Variants in SLC22A8 observed in about 807,000 individuals in gnomAD.
SLC22A8 encodes organic anion transporter 3.
In SLC22A8, 40 loss-of-function variants were observed where a neutral mutation model predicts 48.4. The ratio of observed to expected loss-of-function variants is 0.83; its 90% CI spans 0.64 to 1.08. The LOEUF (loss-of-function observed/expected upper bound fraction) is 1.08. SLC22A8 is among the 50% of genes least tolerant of loss of function. SLC22A8 has a pLI of 0.00. For missense variants in SLC22A8, 606 were observed against 699.0 expected, an observed-to-expected ratio of 0.87 and a Z score of 1.50; for synonymous variants, 268 against 286.3, an observed-to-expected ratio of 0.94 and a Z score of 0.65.
chr11:62,995,051 G>A, intron 7 of SLC22A8: 1 of 466,486 alleles, frequency 2.1e-6, no homozygotes, highest in South Asian at 2.2e-5. Context: ...GGAGACCAAA[G>A]GAGGCAGTAA....
rs150455888 is a variant in SLC22A8 at position 63,002,350 on chromosome 11, C to T, written c.334-1527G>A. Among the ~76,000 whole-genome samples the T allele has an allele frequency of 8.0e-3, 1,225 of 152,260 alleles. 9 individuals are homozygous for T. Among genetic ancestry groups the T allele is most frequent in the South Asian group, 0.028 (134 of 4,818 alleles). ...TAAATCAAGCTAATTAACATCACTT[C>T]ATTTACTTGACATTTTTTGTGGTGA... On this transcript the variant is annotated intron_variant, in intron 2 of 10. Coordinates refer to ENST00000336232, the MANE Select transcript of SLC22A8 (RefSeq NM_004254.4).
At chr11:62,998,530 G>T (rs935850818) in intron 5 of SLC22A8, among the ~76,000 whole-genome samples, 1 of 152,122 alleles carries the variant, frequency 6.6e-6, no homozygotes, top group Non-Finnish European at 1.5e-5. Context: ...TCCCCACTCA[G>T]TTGGGTCTGT....
At chr11:63,000,489 GAAAAAAAA>G (rs59363642) in intron 3 of SLC22A8, among the ~76,000 whole-genome samples, 1 of 88,366 alleles carries the variant, frequency 1.1e-5, no homozygotes, top group East Asian at 3.4e-4. Flanking sequence ...CGTCTTAAGA[GAAAAAAAA>G]AAAAAAAAAA....
At chr11:63,004,807 T>A (rs922448535) in intron 2 of SLC22A8, among the ~76,000 whole-genome samples, 3 of 152,244 alleles carry the variant, frequency 2.0e-5, no homozygotes, top group Admixed American at 2.0e-4. Flanking sequence ...ACTTGTGGAA[T>A]TGAATGTGTG....
chr11:63,004,214 A>C (rs2086530024), intron 2 of SLC22A8, among the ~76,000 whole-genome samples: 1 of 152,208 alleles, frequency 6.6e-6, no homozygotes, highest in South Asian at 2.1e-4. Flanking sequence ...AACTGTCATG[A>C]GCTGGTTTCT....
In SLC22A8 at chr11:62,993,419, C is replaced by G; in HGVS notation, c.1529+5G>C. ...GCACTGATGGGGCCAGAGGCAGTGACTGACCAGTTTTCCAGGTCTTCGATA... is the reference window on the plus strand; with the variant it reads ...GCACTGATGGGGCCAGAGGCAGTGAGTGACCAGTTTTCCAGGTCTTCGATA... On this transcript the variant is annotated splice_donor_5th_base_variant and intron_variant, in intron 10 of 10. Coordinates refer to ENST00000336232, the MANE Select transcript of SLC22A8 (RefSeq NM_004254.4). 6.2e-7 allele frequency: 1 copy of G among 1,614,118 alleles called. No individual in the cohort carries two copies. The highest frequency in any genetic ancestry group is 1.3e-5 in the African/African-American group (1 of 75,042).
At chr11:63,004,445 G>A (rs547462257) in intron 2 of SLC22A8, among the ~76,000 whole-genome samples, 1 of 152,202 alleles carries the variant, frequency 6.6e-6, no homozygotes, top group South Asian at 2.1e-4. Context: ...AACATTTCAA[G>A]CATGCTCCTA....
rs2086561145 is a variant in SLC22A8 at position 63,006,729 on chromosome 11, T to A, written c.334-5906A>T. Among the ~76,000 whole-genome samples the A allele has an allele frequency of 1.4e-5, 2 of 147,256 alleles. 1 individual carries two copies. The highest frequency in any genetic ancestry group is 4.4e-4 in the South Asian group (2 of 4,498). Reference sequence around the variant, plus strand: ...TTCAAGTGATTCTCCTGCATCAGCCTCCTGAGTAGCTGGGATTATAGGCAT... The same window carrying A: ...TTCAAGTGATTCTCCTGCATCAGCCACCTGAGTAGCTGGGATTATAGGCAT... On this transcript the variant is annotated intron_variant, in intron 2 of 10. Coordinates refer to ENST00000336232, the MANE Select transcript of SLC22A8 (RefSeq NM_004254.4).
At chr11:63,000,663 T>A (rs909862347) in intron 3 of SLC22A8, 57 bp downstream of exon 3, 19 of 1,256,558 alleles carry the variant, frequency 1.5e-5, no homozygotes, top group Non-Finnish European at 2.2e-5. Flanking sequence ...TGGAGCAGAG[T>A]AGGGAAGGGT....
rs757171565 is a variant in SLC22A8, at chr11:62,993,223, G to T, written c.*14C>A. On this transcript the variant is annotated 3_prime_UTR_variant, in exon 11 of 11. Transcript: ENST00000336232. ...TCAGTCTCTGGAGGGCAGGGAAAGG[G>T]GGTTCCGTTGTCCTCAGCTGGAGCC... 2 of 1,602,484 alleles carry T rather than the reference G, an allele frequency of 1.2e-6. No individual in the cohort carries two copies. Among genetic ancestry groups the T allele is most frequent in the East Asian group, 2.2e-5 (1 of 44,810 alleles).
Position 62,996,030 on chromosome 11 carries a change from T to G in SLC22A8, c.884A>C (p.Glu295Ala). 1 of 1,614,054 alleles carries G rather than the reference T, an allele frequency of 6.2e-7. No individual in the cohort carries two copies. The highest frequency in any genetic ancestry group is 8.5e-7 in the Non-Finnish European group (1 of 1,179,994). ...KKEEGERLSL[E>A]ELKLNLQKEI... ...CAGACTATAGTCCTCAGCCCCTACC[T>G]CCAAGCTGAGCCTTTCTCCCTCTTC... The change falls in exon 6 of 11, where the codon GAG (glutamate) becomes GCG (alanine). Residue 295 changes from glutamate to alanine, a missense_variant and splice_region_variant. Glu to Ala is a moderately radical substitution (Grantham distance 107). Coordinates refer to ENST00000336232, the MANE Select transcript of SLC22A8 (RefSeq NM_004254.4).
intron 5 of SLC22A8, among the ~76,000 whole-genome samples, chr11:62,998,644 C>T (rs1490531083): frequency 6.6e-6 from 1 of 152,210 alleles, no homozygotes; most frequent in Admixed American, 6.5e-5. Context: ...CCAGGCCCCC[C>T]AGCTTTCTGT....
intron 2 of SLC22A8, among the ~76,000 whole-genome samples, chr11:63,012,143 C>T (rs1372422463): frequency 1.3e-5 from 2 of 152,060 alleles, no homozygotes; most frequent in Admixed American, 1.3e-4. Context: ...GTGTGCACCA[C>T]CACACCTTGC....
At chr11:63,009,625 T>A (rs1395731336) in intron 2 of SLC22A8, among the ~76,000 whole-genome samples, 2 of 152,204 alleles carry the variant, frequency 1.3e-5, no homozygotes, top group African/African-American at 2.4e-5. Flanking sequence ...CTTAATGTCC[T>A]AGTAAAGCTC....
intron 2 of SLC22A8, among the ~76,000 whole-genome samples, chr11:63,010,199 C>A (rs2086602021): frequency 6.6e-6 from 1 of 152,134 alleles, no homozygotes; most frequent in Admixed American, 6.5e-5. Flanking sequence ...CTTTCTTAGC[C>A]CTTTTTACGG....
At chr11:63,012,476 C>T (rs971281499) in intron 2 of SLC22A8, among the ~76,000 whole-genome samples, 1 of 152,202 alleles carries the variant, frequency 6.6e-6, no homozygotes, top group Non-Finnish European at 1.5e-5. Context: ...CACCATCCTT[C>T]CTTTTGCCTG....
At chr11:63,010,727 T>G (rs992393882) in intron 2 of SLC22A8, among the ~76,000 whole-genome samples, 9 of 152,172 alleles carry the variant, frequency 5.9e-5, no homozygotes, top group Non-Finnish European at 1.3e-4. Flanking sequence ...CCCTGAGGCC[T>G]GGTGACCCCC....
chr11:62,994,346 G>C (rs1157846974), intron 8 of SLC22A8, 196 bp downstream of exon 8: 1 of 601,792 alleles, frequency 1.7e-6, no homozygotes, highest in Non-Finnish European at 2.9e-6. Context: ...CCCAGTCCAA[G>C]TCAGATCTGG....
At position 62,995,696 on chromosome 11, in the gene SLC22A8, G is replaced by T; in HGVS notation, c.1001+8C>A. The T allele has an allele frequency of 2.5e-6, 4 of 1,605,112 alleles. No individual in the cohort carries two copies. The highest frequency in any genetic ancestry group is 3.4e-6 in the Non-Finnish European group (4 of 1,171,838). ...TTGGCAGGGTGTGGGCAGGGAGAGGGGGGTTACCAGGCCAGGGAAAGACAG... is the reference window on the plus strand; with the variant it reads ...TTGGCAGGGTGTGGGCAGGGAGAGGTGGGTTACCAGGCCAGGGAAAGACAG... On this transcript the variant is annotated splice_region_variant and intron_variant, in intron 7 of 10. Transcript: ENST00000336232.
Sources: gnomAD v4.1 joint callset for allele counts (sites outside exome capture counted in the v4.1 genomes callset) on GRCh38, gnomAD v4.1.1 for gene constraint, MANE v1.5 for transcripts, NCBI Gene and HGNC (gene_info 2026-07-23, HGNC 2026-07-21) for gene names.